PNPLA8: variants seen among roughly 807,000 people sequenced by gnomAD.
PNPLA8 encodes calcium-independent phospholipase A2-gamma.
In PNPLA8, 39 loss-of-function variants were observed where a neutral mutation model predicts 76.9. The ratio of observed to expected loss-of-function variants is 0.51; its 90% CI spans 0.39 to 0.66. The LOEUF (loss-of-function observed/expected upper bound fraction) is 0.66, where lower values mean the gene tolerates loss of function less well. Among genes scored for constraint, PNPLA8 ranks in the 30% least tolerant of loss-of-function variants. The probability of loss-of-function intolerance (pLI) is 0.00; values close to 1 mark genes in which losing one functional copy is unlikely to be tolerated. For synonymous variants in PNPLA8, 301 were observed against 307.9 expected (o/e 0.98, Z 0.24); for missense variants, 887 against 918.0 (o/e 0.97, Z 0.44).
intron 4 of PNPLA8, among the ~76,000 whole-genome samples, chr7:108,506,938 T>C (rs1410859508): frequency 3.3e-5 from 5 of 152,192 alleles, no homozygotes; most frequent in Non-Finnish European, 7.3e-5. Flanking sequence ...TGTTGTTCTC[T>C]ATATATAATA....
At chr7:108,473,999 T>TTATA (rs199570543) in intron 10 of PNPLA8, among the ~76,000 whole-genome samples, 5 of 151,966 alleles carry the variant, frequency 3.3e-5, no homozygotes, top group African/African-American at 9.7e-5. Context: ...GCCTATTATT[T>TTATA]TATATATATA....
chr7:108,502,441 TCA>T, intron 5 of PNPLA8, 48 bp downstream of exon 5: 1 of 1,011,230 alleles, frequency 9.9e-7, no homozygotes. Flanking sequence ...AAACTCCATC[TCA>T]AAAAAAAAAA....
intron 4 of PNPLA8, among the ~76,000 whole-genome samples, chr7:108,504,376 A>C (rs1473601832): frequency 1.3e-5 from 2 of 152,208 alleles, no homozygotes; most frequent in African/African-American, 4.8e-5. Flanking sequence ...AAATTATCAA[A>C]ATATATCAGA....
chr7:108,496,093 GGC>G (rs1861527303), intron 7 of PNPLA8, among the ~76,000 whole-genome samples: 1 of 152,038 alleles, frequency 6.6e-6, no homozygotes, highest in Non-Finnish European at 1.5e-5. Context: ...AAATTAGCTG[GGC>G]ATGGTGGTGC....
intron 5 of PNPLA8, among the ~76,000 whole-genome samples, chr7:108,498,574 C>T (rs975406060): frequency 1.3e-5 from 2 of 151,820 alleles, no homozygotes; most frequent in African/African-American, 2.4e-5. Flanking sequence ...CACCCGGCCA[C>T]CAGTCAGATT....
At position 108,515,124 on chromosome 7, in the gene PNPLA8, A is replaced by G; in HGVS notation, c.368T>C (p.Ile123Thr). Residue 123 changes from isoleucine (I) to threonine (T), a missense_variant, in exon 3 of 11, where the codon ATT becomes ACT. Transcript: ENST00000257694. ...KAVFGNQNEM[I>T]SRLAQFKPSS... is the part of the protein sequence containing the mutation. Reference sequence around the variant, plus strand: ...TGGCTTAAATTGAGCTAAACGTGAAATCATTTCATTTTGATTGCCAAAAAC... The same window carrying G: ...TGGCTTAAATTGAGCTAAACGTGAAGTCATTTCATTTTGATTGCCAAAAAC... 3 of 1,606,832 alleles carry G rather than the reference A, an allele frequency of 1.9e-6. No homozygotes were observed. The highest frequency in any genetic ancestry group is 2.2e-5 in the East Asian group (1 of 44,770).
Position 108,514,863 on chromosome 7 carries a change from T to C in PNPLA8, c.629A>G (p.His210Arg), listed in dbSNP as rs1459651785. Reference protein sequence around the residue: ...FGDSFYFLSNHINSYFKRKEK... With the variant: ...FGDSFYFLSNRINSYFKRKEK... ...CTTACGTTTGAAATATGAATTAATA[T>C]GATTTGATAAAAAGTAGAATGAGTC... The change falls in exon 3 of 11, where the codon CAT (histidine) becomes CGT (arginine). Residue 210 changes from histidine to arginine, a missense_variant. Transcript: ENST00000257694. 2.5e-6 allele frequency: 4 copies of C among 1,609,524 alleles called. No individual in the cohort carries two copies. The highest frequency in any genetic ancestry group is 1.3e-5 in the African/African-American group (1 of 74,766).
chr7:108,494,929 C>G (rs1477916966), intron 7 of PNPLA8, among the ~76,000 whole-genome samples: 2 of 151,870 alleles, frequency 1.3e-5, no homozygotes, highest in African/African-American at 4.8e-5. Flanking sequence ...AATTCACACA[C>G]AAAAAATAAA....
intron 3 of PNPLA8, 22 bp from the exon 4 acceptor site, chr7:108,514,315 A>T (rs756529698): frequency 1.5e-5 from 24 of 1,589,880 alleles, no homozygotes; most frequent in Non-Finnish European, 2.0e-5. Flanking sequence ...TATTAAATAG[A>T]TATGATTAGA....
chr7:108,506,639 T>C (rs1202031348), intron 4 of PNPLA8, among the ~76,000 whole-genome samples: 1 of 151,772 alleles, frequency 6.6e-6, no homozygotes, highest in Non-Finnish European at 1.5e-5. Context: ...CATCCAAATG[T>C]CTAGCAATAG....
At chr7:108,479,049 G>T in intron 10 of PNPLA8, 135 bp downstream of exon 10, 1 of 605,574 alleles carries the variant, frequency 1.7e-6, no homozygotes, top group Non-Finnish European at 2.9e-6. Context: ...ACAACAAAAT[G>T]TTTCCTCCCA....
chr7:108,481,745 A>G (rs765079665), intron 9 of PNPLA8, among the ~76,000 whole-genome samples: 11 of 152,190 alleles, frequency 7.2e-5, no homozygotes, highest in Non-Finnish European at 1.5e-4. Flanking sequence ...AATTGTAAGA[A>G]GTCTTCCCCC....
chr7:108,518,302 C>T (rs1863484976), intron 2 of PNPLA8: 1 of 152,130 alleles, frequency 6.6e-6, no homozygotes, highest in African/African-American at 2.4e-5. Context: ...AAAGGCAAAA[C>T]TATGAAGACA....
chr7:108,487,619 A>T (rs1232982560), intron 9 of PNPLA8, 140 bp downstream of exon 9: 2 of 481,340 alleles, frequency 4.2e-6, no homozygotes, highest in African/African-American at 2.0e-5. Context: ...AATATCCTAA[A>T]TTGTTCTTCT....
chr7:108,501,317 G>A (rs982312342), intron 5 of PNPLA8, among the ~76,000 whole-genome samples: 3 of 152,218 alleles, frequency 2.0e-5, no homozygotes, highest in African/African-American at 7.2e-5. Context: ...CAAAGACTGA[G>A]TAGGAAGCAT....
In PNPLA8 at chr7:108,514,467, T is replaced by C. The variant is rs138887728; in HGVS notation, c.1025A>G (p.Glu342Gly). 1.2e-3 allele frequency: 1,935 copies of C among 1,612,244 alleles called. 3 individuals carry two copies. Among genetic ancestry groups the C allele is most frequent in the East Asian group, 2.7e-3 (122 of 44,876 alleles). The change falls in exon 3 of 11, where the codon GAG becomes GGG. Residue 342 changes from glutamate to glycine, a missense_variant. Physicochemically the swap from Glu to Gly is moderately conservative, Grantham distance 98. Transcript: ENST00000257694. ...TCGCTGAAGAGATAAACGCTTTTTCTCCTCTGCATTTCTGTCTTTGCTGAC... is the reference window on the plus strand; with the variant it reads ...TCGCTGAAGAGATAAACGCTTTTTCCCCTCTGCATTTCTGTCTTTGCTGAC... ...QAVSKDRNAE[E>G]KKRLSLQREK...
At chr7:108,483,112 T>C (rs1860512212) in intron 9 of PNPLA8, among the ~76,000 whole-genome samples, 1 of 152,252 alleles carries the variant, frequency 6.6e-6, no homozygotes, top group East Asian at 1.9e-4. Flanking sequence ...CAAAAACTTG[T>C]ATCCCAAATA....
intron 4 of PNPLA8, among the ~76,000 whole-genome samples, chr7:108,512,312 TTCTTA>T (rs1345451609): frequency 5.9e-5 from 9 of 152,206 alleles, no homozygotes; most frequent in South Asian, 2.1e-4. Context: ...TATTTTTATT[TTCTTA>T]TCTTTTCTTT....
chr7:108,472,578 A>G lies in PNPLA8; in HGVS notation c.2172T>C (p.Asn724=). 1 of 1,613,072 alleles carries G rather than the reference A, an allele frequency of 6.2e-7. No homozygotes were observed. The highest frequency in any genetic ancestry group is 8.5e-7 in the Non-Finnish European group (1 of 1,179,698). The part of the protein sequence containing the change: ...CENIPLDESR[N]EKLDQLQLEG... ...CCAACTGCAGCTGATCCAGCTTTTC[A>G]TTTCGACTTTCATCTAGAGGTATGT... The change falls in exon 11 of 11, where the codon AAT becomes AAC. Residue 724 remains asparagine (N), a synonymous_variant. Coordinates refer to ENST00000257694, the MANE Select transcript of PNPLA8 (RefSeq NM_001256007.3).
Sources: gnomAD v4.1 joint callset for allele counts (sites outside exome capture counted in the v4.1 genomes callset) on GRCh38, gnomAD v4.1.1 for gene constraint, MANE v1.5 for transcripts, NCBI Gene and HGNC (gene_info 2026-07-23, HGNC 2026-07-21) for gene names.